The following ABCA13 variants were observed in gnomAD, a reference collection of about 807,000 sequenced individuals.
ABCA13 encodes the protein ATP binding cassette subfamily A member 13.
ABCA13 carries 476 observed loss-of-function variants against 478.7 expected under a neutral mutation model. The ratio of observed to expected loss-of-function variants is 0.99; its 90% CI spans 0.92 to 1.07. The LOEUF (loss-of-function observed/expected upper bound fraction) is 1.07, where lower values mean the gene tolerates loss of function less well. ABCA13 is among the 50% of genes least tolerant of loss of function. ABCA13 has a pLI of 0.00. For missense variants in ABCA13, 6,060 were observed against 5,910.6 expected (o/e 1.03, Z -0.83); for synonymous variants, 2,252 against 2,158.9 (o/e 1.04, Z -1.20).
intron 55 of ABCA13, among the ~76,000 whole-genome samples, chr7:48,555,769 AT>A (rs1785757140): frequency 6.6e-6 from 1 of 151,396 alleles, no homozygotes; most frequent in Admixed American, 6.6e-5. Context: ...ACAAATTTTT[AT>A]TTTATTGATC....
chr7:48,473,812 G>C (rs1827783514), intron 45 of ABCA13, among the ~76,000 whole-genome samples: 1 of 152,044 alleles, frequency 6.6e-6, no homozygotes, highest in Non-Finnish European at 1.5e-5. Context: ...TTTTTTGTTT[G>C]TCTTTTTTCT....
intron 54 of ABCA13, among the ~76,000 whole-genome samples, chr7:48,524,963 T>A (rs1156999041): frequency 6.6e-6 from 1 of 152,224 alleles, no homozygotes; most frequent in Non-Finnish European, 1.5e-5. Context: ...GATTTATGCT[T>A]AATGTGTAAA....
Position 48,245,958 on chromosome 7 carries a change from G to C in ABCA13, c.1587G>C (p.Gln529His). The C allele has an allele frequency of 4.3e-6, 7 of 1,613,884 alleles. No homozygotes were observed. The highest frequency in any genetic ancestry group is 4.0e-5 in the African/African-American group (3 of 75,046). ...PGNSSIWGGL[Q>H]GLLCYCNSSE... ...ACTCCAGCATATGGGGTGGTCTCCA[G>C]GGACTGTTGTGCTATTGTAACTCCT... Residue 529 changes from glutamine to histidine, a missense_variant, in exon 13 of 62, where the codon CAG becomes CAC. Physicochemically the swap from Gln to His is conservative, Grantham distance 24. This residue lies in a region of ABCA13 where 4,423 missense variants were observed against 4,309.1 expected (regional missense o/e 1.03). Transcript: ENST00000435803.
chr7:48,578,538 C>A (rs1217465457), intron 55 of ABCA13, among the ~76,000 whole-genome samples: 1 of 152,056 alleles, frequency 6.6e-6, no homozygotes. Context: ...CTACAAAATC[C>A]TAATGAAATA....
At chr7:48,293,701 A>G (rs1169594147) in intron 20 of ABCA13, among the ~76,000 whole-genome samples, 1 of 152,148 alleles carries the variant, frequency 6.6e-6, no homozygotes, top group African/African-American at 2.4e-5. Flanking sequence ...ATTTAATTCC[A>G]CATATGGTGT....
At chr7:48,298,340 A>C in intron 22 of ABCA13, 26 bp from the exon 23 acceptor site, 2 of 1,587,152 alleles carry the variant, frequency 1.3e-6, no homozygotes, top group Middle Eastern at 1.7e-4. Context: ...TTATTACACA[A>C]ATTTCTTATT....
At chr7:48,602,307 G>A (rs767441418) in intron 58 of ABCA13, among the ~76,000 whole-genome samples, 13 of 152,134 alleles carry the variant, frequency 8.5e-5, no homozygotes, top group Admixed American at 2.6e-4. Context: ...CCATGCCTAT[G>A]TCGTGAATGG....
intron 42 of ABCA13, among the ~76,000 whole-genome samples, chr7:48,438,027 G>A (rs1444221373): frequency 7.2e-5 from 11 of 152,040 alleles, no homozygotes; most frequent in Non-Finnish European, 1.5e-4. Context: ...TAGTTTTCAT[G>A]TGCTCTGTTG....
At chr7:48,288,790 T>G (rs981883801) in intron 20 of ABCA13, among the ~76,000 whole-genome samples, 2 of 152,236 alleles carry the variant, frequency 1.3e-5, no homozygotes, top group Middle Eastern at 3.4e-3. Flanking sequence ...ACATGCCCAA[T>G]AGGCTCCCAT....
chr7:48,173,709 A>G (rs937561580), intron 1 of ABCA13, among the ~76,000 whole-genome samples: 2 of 152,206 alleles, frequency 1.3e-5, no homozygotes, highest in Non-Finnish European at 2.9e-5. Flanking sequence ...GAGCTGCCTG[A>G]CTGGGTTCAC....
At chr7:48,300,649 C>T (rs1436516613) in intron 23 of ABCA13, among the ~76,000 whole-genome samples, 1 of 152,234 alleles carries the variant, frequency 6.6e-6, no homozygotes, top group Non-Finnish European at 1.5e-5. Flanking sequence ...GCAAATGCAG[C>T]AGATGCATGG....
At chr7:48,317,905 T>C (rs1323699056) in intron 27 of ABCA13, among the ~76,000 whole-genome samples, 1 of 152,216 alleles carries the variant, frequency 6.6e-6, no homozygotes, top group Non-Finnish European at 1.5e-5. Context: ...TTTGTTATTA[T>C]TAATATTTGC....
In ABCA13 at chr7:48,249,363, G is replaced by A; in HGVS notation, c.2005+12G>A. On this transcript the variant is annotated intron_variant, in intron 15 of 61. Coordinates refer to ENST00000435803, the MANE Select transcript of ABCA13 (RefSeq NM_152701.5). ...GAACAGACTATTGGGTAAGTCAGTA[G>A]CCTAAACTACAGGAATGGGGGATGC... 6.2e-7 allele frequency: 1 copy of A among 1,611,662 alleles called. No individual in the cohort carries two copies. Among genetic ancestry groups the A allele is most frequent in the Non-Finnish European group, 8.5e-7 (1 of 1,178,860 alleles).
At chr7:48,489,848 A>G (rs1441252163) in intron 48 of ABCA13, among the ~76,000 whole-genome samples, 1 of 152,140 alleles carries the variant, frequency 6.6e-6, no homozygotes, top group Non-Finnish European at 1.5e-5. Flanking sequence ...CATTTCTGGT[A>G]TCCAGAGTTA....
At chr7:48,228,978 A>G (rs2128987473) in intron 6 of ABCA13, among the ~76,000 whole-genome samples, 1 of 152,314 alleles carries the variant, frequency 6.6e-6, no homozygotes, top group East Asian at 1.9e-4. Context: ...TGATATCAAG[A>G]AAATCTGCAT....
intron 1 of ABCA13, among the ~76,000 whole-genome samples, chr7:48,177,509 C>T (rs1180660601): frequency 1.3e-5 from 2 of 152,204 alleles, no homozygotes; most frequent in African/African-American, 4.8e-5. Context: ...TACACAAACC[C>T]GCTCAGCTGC....
chr7:48,585,219 AAAATTCACTTAAGTGAATTTTTATTC>A (rs1789067537), intron 56 of ABCA13, among the ~76,000 whole-genome samples: 1 of 152,176 alleles, frequency 6.6e-6, no homozygotes, highest in Admixed American at 6.5e-5. Context: ...TTGATATTTT[AAAATTCACTTAAGTGAATTTTTATTC>A]AACTTGTGAT....
intron 37 of ABCA13, among the ~76,000 whole-genome samples, chr7:48,390,766 A>C (rs1317722699): frequency 6.6e-6 from 1 of 152,212 alleles, no homozygotes; most frequent in Non-Finnish European, 1.5e-5. Flanking sequence ...GTGGCCCAGC[A>C]GCCTGCTCCT....
intron 15 of ABCA13, among the ~76,000 whole-genome samples, chr7:48,261,748 C>T (rs1323741448): frequency 3.3e-5 from 5 of 151,774 alleles, no homozygotes; most frequent in East Asian, 1.9e-4. Context: ...TAAGCATTTT[C>T]GATTCCTACT....
Sources: allele counts gnomAD v4.1 joint callset (sites outside exome capture counted in the v4.1 genomes callset), GRCh38; gene constraint gnomAD v4.1.1; regional missense constraint gnomAD v4.1.1; transcripts MANE v1.5; gene names NCBI Gene and HGNC (gene_info 2026-07-23, HGNC 2026-07-21).